The following BBS2 variants were observed in gnomAD, a reference collection of about 807,000 sequenced individuals.
BBS2 encodes Bardet-Biedl syndrome 2.
A neutral mutation model predicts 83.0 loss-of-function variants in BBS2; 62 were observed. The observed-to-expected ratio is 0.75, with a 90% CI of 0.61 to 0.92. The LOEUF (loss-of-function observed/expected upper bound fraction) is 0.92, where lower values mean the gene tolerates loss of function less well. BBS2 is among the 40% of genes least tolerant of loss of function. The pLI, the probability that BBS2 is intolerant of heterozygous loss-of-function variation, is 0.00. For synonymous variants in BBS2, 303 were observed against 326.1 expected (o/e 0.93, Z 0.76); for missense variants, 784 against 901.0 (o/e 0.87, Z 1.66).
intron 1 of BBS2, among the ~76,000 whole-genome samples, chr16:56,515,857 G>A (rs1421505477): frequency 2.6e-5 from 4 of 152,148 alleles, no homozygotes; most frequent in African/African-American, 7.2e-5. Flanking sequence ...GAAGAGTTAA[G>A]GCCCTTTGCC....
chr16:56,492,068 AAATTTTT>A lies in BBS2; in HGVS notation c.1910+4892_1910+4898del, dbSNP rs199954136. 4.0e-5 allele frequency among the ~76,000 whole-genome samples: 6 copies of A among 151,568 alleles called. No homozygotes were observed. In the East Asian group the frequency reaches 1.2e-3, roughly 29 times the overall value. ...TTTAATGATTAAATATTAAAAATTT[AAATTTTT>A]AATTTTTAATGATTAAATATTAAAA... On this transcript the variant is annotated intron_variant, in intron 15 of 16. Coordinates refer to ENST00000245157, the MANE Select transcript of BBS2 (RefSeq NM_031885.5).
At chr16:56,481,070 A>G (rs2144085592), downstream of BBS2, among the ~76,000 whole-genome samples, 1 of 152,206 alleles carries the variant, frequency 6.6e-6, no homozygotes, top group South Asian at 2.1e-4. Flanking sequence ...ATTGGAGGTA[A>G]TTTAGTTCTA....
intron 15 of BBS2, among the ~76,000 whole-genome samples, chr16:56,489,603 C>A (rs1224470220): frequency 3.3e-5 from 5 of 151,054 alleles, no homozygotes; most frequent in African/African-American, 9.8e-5. Context: ...TTGAGACCAG[C>A]CTGGCCAACA....
chr16:56,486,820 T>TGGCACGATCTCGGATCACTGCAAC (rs1963793932), intron 15 of BBS2, among the ~76,000 whole-genome samples: 1 of 145,066 alleles, frequency 6.9e-6, no homozygotes, highest in Non-Finnish European at 1.5e-5. Flanking sequence ...TGGAGTGCAA[T>TGGCACGATCTCGGATCACTGCAAC]GGCACGATCT....
At chr16:56,480,442 C>T (rs897643034), downstream of BBS2, among the ~76,000 whole-genome samples, 1 of 148,904 alleles carries the variant, frequency 6.7e-6, no homozygotes. Context: ...TTTTTTGAGA[C>T]GGAGTCTCTG....
chr16:56,519,731 G>A lies in BBS2; in HGVS notation c.117+15C>T. The A allele has an allele frequency of 1.2e-6, 2 of 1,603,124 alleles. No homozygotes were observed. The highest frequency in any genetic ancestry group is 1.7e-5 in the Admixed American group (1 of 59,954). On this transcript the variant is annotated intron_variant, in intron 1 of 16. Transcript: ENST00000245157. ...TTCCCTGGGGCCCGGGCTCCCTGCG[G>A]GTGGGAGCGGTTACCTTGCCCGTTT...
chr16:56,516,908 A>T (rs1015836939), intron 1 of BBS2, among the ~76,000 whole-genome samples: 1 of 152,230 alleles, frequency 6.6e-6, no homozygotes, highest in African/African-American at 2.4e-5. Context: ...ATAAAAGATC[A>T]GGTCAGAACT....
downstream of BBS2, among the ~76,000 whole-genome samples, chr16:56,480,471 A>G (rs543804344): frequency 3.3e-5 from 5 of 151,306 alleles, no homozygotes; most frequent in Non-Finnish European, 7.4e-5. Context: ...GCTGGAGTGC[A>G]GTGGCATGAT....
chr16:56,500,439 A>AAC, intron 11 of BBS2: 1 of 252,322 alleles, frequency 4.0e-6, no homozygotes, highest in South Asian at 4.7e-5. Flanking sequence ...CAGCCTGGCC[A>AAC]ACATGGTGAA....
chr16:56,480,351 A>ACC (rs1221464555), downstream of BBS2, among the ~76,000 whole-genome samples: 1 of 120,794 alleles, frequency 8.3e-6, no homozygotes, highest in Non-Finnish European at 1.7e-5. Flanking sequence ...ACACACACAC[A>ACC]CAAAAAAAAA....
chr16:56,505,244 A>G (rs1223783277), intron 7 of BBS2, among the ~76,000 whole-genome samples: 1 of 152,234 alleles, frequency 6.6e-6, no homozygotes, highest in Non-Finnish European at 1.5e-5. Context: ...AGAAACCAAC[A>G]TAACAGCTTT....
chr16:56,511,585 A>G (rs1384333101), intron 2 of BBS2, among the ~76,000 whole-genome samples: 1 of 152,180 alleles, frequency 6.6e-6, no homozygotes, highest in African/African-American at 2.4e-5. Context: ...TTTGTACTTG[A>G]GCTTCAACAT....
At chr16:56,507,500 A>T (rs1177609121) in intron 5 of BBS2, among the ~76,000 whole-genome samples, 1 of 152,228 alleles carries the variant, frequency 6.6e-6, no homozygotes, top group Non-Finnish European at 1.5e-5. Flanking sequence ...AGGAGAAAAG[A>T]TTTACCACAA....
rs1567588857 is a variant in BBS2 at position 56,519,824 on chromosome 16, T to C, written c.39A>G (p.Lys13=). 1 of 1,613,798 alleles carries C rather than the reference T, an allele frequency of 6.2e-7. No individual in the cohort carries two copies. Among genetic ancestry groups the C allele is most frequent in the Non-Finnish European group, 8.5e-7 (1 of 1,179,846 alleles). ...LPVFTLKLRH[K]ISPRMVAIGR... ...CTATGGCCACCATTCGGGGGCTGAT[T>C]TTGTGGCGCAGTTTCAGGGTGAACA... The change falls in exon 1 of 17, where the codon AAA becomes AAG. Residue 13 remains lysine, a synonymous_variant. Transcript: ENST00000245157.
chr16:56,481,070 AT>A (rs1364883165), downstream of BBS2, among the ~76,000 whole-genome samples: 1 of 152,088 alleles, frequency 6.6e-6, no homozygotes, highest in African/African-American at 2.4e-5. Context: ...ATTGGAGGTA[AT>A]TTAGTTCTAT....
At chr16:56,516,203 A>C (rs1964743330) in intron 1 of BBS2, 1 of 152,208 alleles carries the variant, frequency 6.6e-6, no homozygotes, top group African/African-American at 2.4e-5. Flanking sequence ...GCAAGGAAAG[A>C]AAGCCAATCT....
chr16:56,505,888 G>A, intron 7 of BBS2, 62 bp downstream of exon 7: 3 of 1,284,706 alleles, frequency 2.3e-6, no homozygotes, highest in Non-Finnish European at 2.3e-6. Context: ...AAGTCCTACA[G>A]CCAATACACC....
At chr16:56,510,796 T>C (rs912072945) in intron 4 of BBS2, 63 bp downstream of exon 4, 19 of 1,561,352 alleles carry the variant, frequency 1.2e-5, no homozygotes, top group Non-Finnish European at 1.6e-5. Context: ...AACACTAATG[T>C]CACTGTCATG....
intron 2 of BBS2, among the ~76,000 whole-genome samples, chr16:56,512,389 A>G (rs1484545469): frequency 3.3e-5 from 5 of 152,242 alleles, no homozygotes; most frequent in African/African-American, 1.2e-4. Context: ...CTTATATAAA[A>G]AAGTCTTATT....
Sources: gnomAD v4.1 joint callset for allele counts (sites outside exome capture counted in the v4.1 genomes callset) on GRCh38, gnomAD v4.1.1 for gene constraint, MANE v1.5 for transcripts, NCBI Gene and HGNC (gene_info 2026-07-23, HGNC 2026-07-21) for gene names.